Variants in CEACAM7 observed in about 807,000 individuals in gnomAD.
CEACAM7 encodes CEA cell adhesion molecule 7, also known as cell adhesion molecule CEACAM7.
CEACAM7 carries 24 observed loss-of-function variants against 25.7 expected under a neutral mutation model. The observed-to-expected ratio is 0.93, with a 90% CI of 0.68 to 1.31. CEACAM7 has a LOEUF of 1.31. Ranked by LOEUF, CEACAM7 falls within the 40% of genes most tolerant of loss-of-function variation. The pLI is 0.00. For missense variants in CEACAM7, 324 were observed against 330.1 expected (o/e 0.98, Z 0.14); for synonymous variants, 144 against 129.4 (o/e 1.11, Z -0.77).
intron 3 of CEACAM7, 44 bp from the exon 4 acceptor site, chr19:41,677,547 T>C (rs782048244): frequency 4.9e-6 from 7 of 1,441,792 alleles, no homozygotes; most frequent in South Asian, 1.2e-5. Flanking sequence ...GATCTTATTT[T>C]ACAGGGAAGT....
chr19:41,676,263 A>C (rs1489515954), intron 4 of CEACAM7, among the ~76,000 whole-genome samples: 5 of 152,164 alleles, frequency 3.3e-5, no homozygotes, highest in African/African-American at 4.8e-5. Flanking sequence ...TTCTTTTAAA[A>C]ATTTTCCAGT....
chr19:41,684,093 C>G (rs1555810995), intron 2 of CEACAM7, 30 bp from the exon 3 acceptor site: 1 of 1,565,556 alleles, frequency 6.4e-7, no homozygotes, highest in Admixed American at 1.8e-5. Flanking sequence ...AAAAGATTGC[C>G]CTGTGTGGCC....
rs1482781812 is a variant in CEACAM7 at position 41,686,142 on chromosome 19, G to A, written c.427+717C>T. On this transcript the variant is annotated intron_variant, in intron 2 of 4. Transcript: ENST00000401731. ...GTGGGTTATTTGGACCTGATTCCTG[G>A]TGTACAAAGAACTTACAGCAGAAAC... Among the ~76,000 whole-genome samples the A allele has an allele frequency of 2.6e-5, 4 of 152,110 alleles. 1 individual carries two copies. Among genetic ancestry groups the A allele is most frequent in the Admixed American group, 1.3e-4 (2 of 15,282 alleles).
At chr19:41,684,526 T>G (rs1346752567) in intron 2 of CEACAM7, among the ~76,000 whole-genome samples, 1 of 152,126 alleles carries the variant, frequency 6.6e-6, no homozygotes, top group Non-Finnish European at 1.5e-5. Flanking sequence ...AATGGGTGTT[T>G]GAGCAGACAT....
Position 41,683,886 on chromosome 19 carries a change from A to T in CEACAM7, c.605T>A (p.Val202Asp), listed in dbSNP as rs2122728547. 6.2e-7 allele frequency: 1 copy of T among 1,614,164 alleles called. No individual in the cohort carries two copies. The highest frequency in any genetic ancestry group is 8.5e-7 in the Non-Finnish European group (1 of 1,180,014). ...LLLSTDNRTLVLLSATKNDIG... is the reference protein window; with the variant it reads ...LLLSTDNRTLDLLSATKNDIG... ...GTCATTCTTTGTGGCGCTGAGTAGA[A>T]CGAGGGTCCTGTTGTCAGTGGAGAG... Residue 202 changes from valine to aspartate, a missense_variant, in exon 3 of 5, where the codon GTT (valine) becomes GAT (aspartate). Coordinates refer to ENST00000401731, the MANE Select transcript of CEACAM7 (RefSeq NM_001291485.2).
chr19:41,678,831 G>A (rs782513135), intron 3 of CEACAM7, among the ~76,000 whole-genome samples: 4 of 152,116 alleles, frequency 2.6e-5, no homozygotes, highest in Non-Finnish European at 4.4e-5. Context: ...TGTGAAACAG[G>A]CACTCTTATT....
chr19:41,681,149 C>T (rs927471604), intron 3 of CEACAM7, among the ~76,000 whole-genome samples: 1 of 152,000 alleles, frequency 6.6e-6, no homozygotes, highest in African/African-American at 2.4e-5. Context: ...ATGCAAATGG[C>T]CAATAAGCAC....
rs782269788 is a variant in CEACAM7 at position 41,684,074 on chromosome 19, AAG to A, written c.428-13_428-12del. On this transcript the variant is annotated splice_polypyrimidine_tract_variant and intron_variant, in intron 2 of 4. Coordinates refer to ENST00000401731, the MANE Select transcript of CEACAM7 (RefSeq NM_001291485.2). ...GCTTGGGTGGCTCCGCTGTGCAGAT[AAG>A]AGAGAGAAAAGATTGCCCTGTGTGG... 45 of 1,607,504 alleles carry A rather than the reference AAG, an allele frequency of 2.8e-5. No individual in the cohort carries two copies. The highest frequency in any genetic ancestry group is 7.7e-5 in the South Asian group (7 of 90,730).
chr19:41,683,548 T>A (rs999573747), intron 3 of CEACAM7, among the ~76,000 whole-genome samples: 4 of 152,148 alleles, frequency 2.6e-5, no homozygotes, highest in African/African-American at 4.8e-5. Flanking sequence ...TTCACCTGTT[T>A]CTCCCATCAC....
In CEACAM7 at chr19:41,674,672, C is replaced by G; in HGVS notation, c.*104G>C. Reference sequence around the variant, plus strand: ...AGCTTATAGGTCTTCAGGAAGAGAGCAGGTCTTATACTTAGTGATGCCACA... The same window carrying G: ...AGCTTATAGGTCTTCAGGAAGAGAGGAGGTCTTATACTTAGTGATGCCACA... On this transcript the variant is annotated 3_prime_UTR_variant, in exon 5 of 5. Coordinates refer to ENST00000401731, the MANE Select transcript of CEACAM7 (RefSeq NM_001291485.2). 3.0e-6 allele frequency: 1 copy of G among 330,412 alleles called. No homozygotes were observed. Among genetic ancestry groups the G allele is most frequent in the Non-Finnish European group, 6.0e-6 (1 of 165,930 alleles). 20.5% of individuals were successfully genotyped at this position (330,412 alleles called of 1,614,324 possible).
chr19:41,677,010 G>C (rs996273699), intron 4 of CEACAM7, among the ~76,000 whole-genome samples: 7 of 152,194 alleles, frequency 4.6e-5, no homozygotes, highest in Admixed American at 1.3e-4. Context: ...CATATGCTAG[G>C]AAGCATTCAG....
chr19:41,674,172 T>C lies in CEACAM7; in HGVS notation c.*604A>G, dbSNP rs2072091520. On this transcript the variant is annotated 3_prime_UTR_variant, in exon 5 of 5. Coordinates refer to ENST00000401731, the MANE Select transcript of CEACAM7 (RefSeq NM_001291485.2). ...GTTATCTGGCATCCCATAGCTGGGT[T>C]AAATTAAAACAGGGCGTGAGAACAG... 1 of 152,226 alleles carries C rather than the reference T, an allele frequency of 6.6e-6. No individual in the cohort carries two copies. Among genetic ancestry groups the C allele is most frequent in the South Asian group, 2.1e-4 (1 of 4,834 alleles). The allele number at this position is 152,226 out of a possible 1,614,324, so 9.4% of individuals were successfully genotyped here. A position where few individuals can be genotyped will look rare whatever the true frequency, so the allele number is the denominator to read the frequency against.
chr19:41,681,381 A>G (rs2072174296), intron 3 of CEACAM7, among the ~76,000 whole-genome samples: 1 of 152,216 alleles, frequency 6.6e-6, no homozygotes, highest in African/African-American at 2.4e-5. Flanking sequence ...TTTCTCAAAA[A>G]AATTAAGCAA....
intron 3 of CEACAM7, among the ~76,000 whole-genome samples, chr19:41,679,043 A>C (rs782198039): frequency 6.6e-6 from 1 of 152,220 alleles, no homozygotes; most frequent in Non-Finnish European, 1.5e-5. Context: ...GTGGACTAGA[A>C]AAACAATAGA....
At position 41,687,131 on chromosome 19, in the gene CEACAM7, A is replaced by G. The variant is rs2072236125; in HGVS notation, c.155T>C (p.Leu52Pro). The change falls in exon 2 of 5, where the codon CTT becomes CCT. Residue 52 changes from leucine (L) to proline (P), a missense_variant. Transcript: ENST00000401731. ...PFNVAEGKEVLLVVHNESQNL... is the reference protein window; with the variant it reads ...PFNVAEGKEVPLVVHNESQNL... ...CTGGGACTCATTATGGACTACTAGA[A>G]GGACCTCCTTCCCTTCTGCGACATT... is the stretch of plus-strand genomic sequence containing the variant. 2 of 1,614,048 alleles carry G rather than the reference A, an allele frequency of 1.2e-6. No individual in the cohort carries two copies. The highest frequency in any genetic ancestry group is 1.1e-5 in the South Asian group (1 of 91,084).
rs1690537535 is a variant in CEACAM7 at position 41,673,761 on chromosome 19, A to C, written c.*1015T>G. The stretch of plus-strand genomic sequence containing the variant: ...GGACTTCCATCATTCATAGGTTATG[A>C]TGTCCTCCTAATCATACATTTATTT... On this transcript the variant is annotated 3_prime_UTR_variant, in exon 5 of 5. Transcript: ENST00000401731. 6.6e-6 allele frequency: 1 copy of C among 152,230 alleles called. No individual in the cohort carries two copies. Among genetic ancestry groups the C allele is most frequent in the African/African-American group, 2.4e-5 (1 of 41,460 alleles). The allele number at this position is 152,230 out of a possible 1,614,324, so 9.4% of individuals were successfully genotyped here. A position where few individuals can be genotyped will look rare whatever the true frequency, so the allele number is the denominator to read the frequency against.
Position 41,683,990 on chromosome 19 carries a change from G to C in CEACAM7, c.501C>G (p.Thr167=). The change falls in exon 3 of 5, where the codon ACC becomes ACG. Residue 167 remains threonine, a synonymous_variant. Coordinates refer to ENST00000401731, the MANE Select transcript of CEACAM7 (RefSeq NM_001291485.2). ...TTGTGTTCTGAGTCTCAGGTTGACA[G>C]GTTAAAACCACAATATCTTTGTTCT... ...PVENKDIVVL[T]CQPETQNTTY... is the part of the protein sequence containing the mutation. 1 of 1,614,172 alleles carries C rather than the reference G, an allele frequency of 6.2e-7. No individual in the cohort carries two copies. The highest frequency in any genetic ancestry group is 1.1e-5 in the South Asian group (1 of 91,084).
In CEACAM7 at chr19:41,674,608, G is replaced by A; in HGVS notation, c.*168C>T. 2.8e-6 allele frequency: 1 copy of A among 353,136 alleles called. No individual in the cohort carries two copies. The highest frequency in any genetic ancestry group is 2.3e-5 in the South Asian group (1 of 43,236). 21.9% of individuals were successfully genotyped at this position (353,136 alleles called of 1,614,324 possible). A position where few individuals can be genotyped will look rare whatever the true frequency, so the allele number is the denominator to read the frequency against. The stretch of plus-strand genomic sequence containing the variant: ...TGAGTGGCCCACATCTCAGGCATGA[G>A]GGTTTTTCCTTGAAATTTACATTGA... On this transcript the variant is annotated 3_prime_UTR_variant, in exon 5 of 5. Transcript: ENST00000401731.
At chr19:41,685,583 C>A (rs187046456) in intron 2 of CEACAM7, among the ~76,000 whole-genome samples, 5 of 152,114 alleles carry the variant, frequency 3.3e-5, no homozygotes, top group African/African-American at 1.2e-4. Context: ...AACTACTGAG[C>A]GAGTGTGTTT....
Sources: allele counts gnomAD v4.1 joint callset (sites outside exome capture counted in the v4.1 genomes callset), GRCh38; gene constraint gnomAD v4.1.1; transcripts MANE v1.5; gene names NCBI Gene and HGNC (gene_info 2026-07-23, HGNC 2026-07-21).